SCEL: variants seen among roughly 807,000 people sequenced by gnomAD.
SCEL encodes sciellin.
SCEL carries 113 observed loss-of-function variants against 117.6 expected under a neutral mutation model. That is an observed-to-expected ratio of 0.96 (90% CI 0.83 to 1.12). The LOEUF (loss-of-function observed/expected upper bound fraction) is 1.12. Ranked by LOEUF, SCEL falls within the 50% of genes most tolerant of loss-of-function variation. The pLI, the probability that SCEL is intolerant of heterozygous loss-of-function variation, is 0.00. For missense variants in SCEL, 785 were observed against 810.8 expected, an observed-to-expected ratio of 0.97 and a Z score of 0.39; for synonymous variants, 270 against 256.2, an observed-to-expected ratio of 1.05 and a Z score of -0.51.
At chr13:77,583,555 T>C (rs376121511) in intron 9 of SCEL, among the ~76,000 whole-genome samples, 14 of 152,322 alleles carry the variant, frequency 9.2e-5, no homozygotes, top group African/African-American at 3.4e-4. Context: ...GAGTAAGTGC[T>C]TTTTGAGCAA....
At chr13:77,568,382 A>T (rs754169989) in intron 7 of SCEL, 49 bp downstream of exon 7, 1 of 1,141,248 alleles carries the variant, frequency 8.8e-7, no homozygotes, top group East Asian at 2.4e-5. Flanking sequence ...GTATTCAAGA[A>T]AAACCAGGGA....
At chr13:77,628,739 A>G (rs1486996304) in intron 28 of SCEL, among the ~76,000 whole-genome samples, 1 of 152,158 alleles carries the variant, frequency 6.6e-6, no homozygotes, top group African/African-American at 2.4e-5. Flanking sequence ...TTGTGATTTC[A>G]TCTGCAGAGA....
chr13:77,547,373 A>T (rs1408674160), intron 1 of SCEL, among the ~76,000 whole-genome samples: 1 of 152,244 alleles, frequency 6.6e-6, no homozygotes, highest in Non-Finnish European at 1.5e-5. Flanking sequence ...AAATAAAAAA[A>T]TTCATGATGT....
Position 77,637,115 on chromosome 13 carries a change from C to G in SCEL, c.1764-5C>G. ...TTCTCACATGTCCATATATTTTGTT[C>G]CTAGTAAATCACCCAAGGATGGATA... On this transcript the variant is annotated splice_polypyrimidine_tract_variant and splice_region_variant and intron_variant, in intron 29 of 32. Transcript: ENST00000349847. 6.7e-7 allele frequency: 1 copy of G among 1,484,180 alleles called. No individual in the cohort carries two copies. Among genetic ancestry groups the G allele is most frequent in the South Asian group, 1.2e-5 (1 of 81,670 alleles). The allele number at this position is 1,484,180 out of a possible 1,614,324, so 91.9% of individuals were successfully genotyped here.
rs560271910 is a variant in SCEL, at chr13:77,559,065, G to A, written c.162-739G>A. On this transcript the variant is annotated intron_variant, in intron 3 of 32. Transcript: ENST00000349847. ...GAGATTTTACATATGAAGGTCGATTGTAGGGTTGACCAGTAGGAAAAGCAA... is the reference window on the plus strand; with the variant it reads ...GAGATTTTACATATGAAGGTCGATTATAGGGTTGACCAGTAGGAAAAGCAA... 1.8e-4 allele frequency among the ~76,000 whole-genome samples: 28 copies of A among 152,276 alleles called. No individual in the cohort carries two copies. The South Asian group carries it at 5.6e-3, about 30-fold the overall frequency.
At chr13:77,553,437 G>C (rs1593902422) in intron 1 of SCEL, among the ~76,000 whole-genome samples, 1 of 150,964 alleles carries the variant, frequency 6.6e-6, no homozygotes, top group South Asian at 2.1e-4. Flanking sequence ...TCGGCTAAGA[G>C]AAAAAAAAAT....
At position 77,563,919 on chromosome 13, in the gene SCEL, T is replaced by C; in HGVS notation, c.290+20T>C. ...GGACAGGTAAGGGGCTTTTGAACCA[T>C]ATAAATGGAATGCATAACATATTAA... On this transcript the variant is annotated intron_variant, in intron 5 of 32. Coordinates refer to ENST00000349847, the MANE Select transcript of SCEL (RefSeq NM_144777.3). 1 of 1,496,640 alleles carries C rather than the reference T, an allele frequency of 6.7e-7. No individual in the cohort carries two copies. The highest frequency in any genetic ancestry group is 1.8e-4 in the Middle Eastern group (1 of 5,712). The allele number at this position is 1,496,640 out of a possible 1,614,324, so 92.7% of individuals were successfully genotyped here. A position where few individuals can be genotyped will look rare whatever the true frequency, so the allele number is the denominator to read the frequency against.
intron 15 of SCEL, among the ~76,000 whole-genome samples, chr13:77,600,830 CCTTT>C: frequency 6.6e-6 from 1 of 152,148 alleles, no homozygotes; most frequent in Middle Eastern, 3.2e-3. Flanking sequence ...ATGAAATTTG[CCTTT>C]CTAACATGAG....
intron 29 of SCEL, among the ~76,000 whole-genome samples, chr13:77,635,167 A>G (rs1260050367): frequency 1.3e-5 from 2 of 152,206 alleles, no homozygotes; most frequent in South Asian, 4.1e-4. Context: ...AATACATGTC[A>G]GGAGGTAAGC....
chr13:77,552,504 T>C (rs1258578204), intron 1 of SCEL, among the ~76,000 whole-genome samples: 33 of 151,596 alleles, frequency 2.2e-4, no homozygotes, highest in Non-Finnish European at 4.4e-4. Context: ...TTTTGAGAAG[T>C]GTCTGTTCAT....
At chr13:77,639,940 C>T (rs2057492) in intron 30 of SCEL, among the ~76,000 whole-genome samples, 33,383 of 151,982 alleles carry the variant, frequency 0.22, 4,246 homozygotes, top group African/African-American at 0.32. Flanking sequence ...TGGTGTGACT[C>T]AAGATATTTT....
chr13:77,535,719 G>C lies in SCEL; in HGVS notation c.-125G>C, dbSNP rs1349910245. 1 of 152,138 alleles carries C rather than the reference G, an allele frequency of 6.6e-6. No individual in the cohort carries two copies. Among genetic ancestry groups the C allele is most frequent in the Non-Finnish European group, 1.5e-5 (1 of 68,024 alleles). The allele number at this position is 152,138 out of a possible 1,614,324, so 9.4% of individuals were successfully genotyped here. A position where few individuals can be genotyped will look rare whatever the true frequency, so the allele number is the denominator to read the frequency against. ...ACTAATACAGTCAGGTAGAGGTTGA[G>C]ACTCCACTGAATAAACTCTAGGTTC... On this transcript the variant is annotated 5_prime_UTR_variant, in exon 1 of 33. Coordinates refer to ENST00000349847, the MANE Select transcript of SCEL (RefSeq NM_144777.3).
chr13:77,560,287 A>C (rs1362866405), intron 4 of SCEL, among the ~76,000 whole-genome samples: 1 of 137,302 alleles, frequency 7.3e-6, no homozygotes, highest in East Asian at 2.1e-4. Context: ...AAAAAAAATT[A>C]ATTAGCTAGG....
At chr13:77,556,449 G>A (rs941496255) in intron 2 of SCEL, 147 bp from the exon 3 acceptor site, 5 of 668,794 alleles carry the variant, frequency 7.5e-6, no homozygotes, top group African/African-American at 5.4e-5. Context: ...TTTCTTGCTG[G>A]TGCATCCTAC....
Position 77,610,031 on chromosome 13 carries a change from T to C in SCEL, c.1278-16T>C. On this transcript the variant is annotated splice_polypyrimidine_tract_variant and intron_variant, in intron 21 of 32. Coordinates refer to ENST00000349847, the MANE Select transcript of SCEL (RefSeq NM_144777.3). ...GATTTAAATCTACCACTGATCTGAT[T>C]TTCTATGTTTTTAAGGGGCCAAAGT... The C allele has an allele frequency of 6.3e-7, 1 of 1,593,284 alleles. No individual in the cohort carries two copies.
intron 3 of SCEL, among the ~76,000 whole-genome samples, chr13:77,557,280 A>G (rs1004301975): frequency 2.0e-5 from 3 of 152,214 alleles, no homozygotes; most frequent in Non-Finnish European, 4.4e-5. Context: ...ACTAGCTGAG[A>G]GGTTTAAAGA....
At chr13:77,631,201 A>T (rs1260084651) in intron 28 of SCEL, among the ~76,000 whole-genome samples, 3 of 152,216 alleles carry the variant, frequency 2.0e-5, no homozygotes, top group African/African-American at 7.2e-5. Context: ...AGCATTTTAA[A>T]AGGCACTATG....
chr13:77,538,899 A>G (rs987003119), intron 1 of SCEL, among the ~76,000 whole-genome samples: 9 of 152,190 alleles, frequency 5.9e-5, no homozygotes, highest in African/African-American at 2.2e-4. Context: ...ATCCCAGGAG[A>G]CTGTGTCAAT....
chr13:77,599,742 G>A lies in SCEL; in HGVS notation c.911G>A (p.Gly304Asp). ...IYMSTRTDKD[G>D]KGIQSLGSPI... The stretch of plus-strand genomic sequence containing the variant: ...ATGAGTACCCGGACAGATAAAGATG[G>A]CAAAGGGTAAGATTTTATTAAGACA... Residue 304 changes from glycine (G) to aspartate (D), a missense_variant, in exon 15 of 33, where the codon GGC becomes GAC. Gly to Asp is a moderately conservative substitution (Grantham distance 94). Coordinates refer to ENST00000349847, the MANE Select transcript of SCEL (RefSeq NM_144777.3). The A allele has an allele frequency of 5.0e-6, 8 of 1,608,024 alleles. No individual in the cohort carries two copies. Among genetic ancestry groups the A allele is most frequent in the Non-Finnish European group, 6.8e-6 (8 of 1,174,476 alleles).
Sources: gnomAD v4.1 joint callset for allele counts (sites outside exome capture counted in the v4.1 genomes callset) on GRCh38, gnomAD v4.1.1 for gene constraint, MANE v1.5 for transcripts, NCBI Gene and HGNC (gene_info 2026-07-23, HGNC 2026-07-21) for gene names.